Variants in GPR158 observed in about 807,000 individuals in gnomAD.
GPR158 encodes metabotropic glycine receptor.
A neutral mutation model predicts 78.2 loss-of-function variants in GPR158; 30 were observed. The ratio of observed to expected loss-of-function variants is 0.38; its 90% confidence interval spans 0.29 to 0.52. GPR158 has a LOEUF of 0.52. Among genes scored for constraint, GPR158 ranks in the 20% least tolerant of loss-of-function variants. The probability of loss-of-function intolerance (pLI) is 0.83; values close to 1 mark genes in which losing one functional copy is unlikely to be tolerated. For missense variants in GPR158, 1,463 were observed against 1,523.5 expected, an observed-to-expected ratio of 0.96 and a Z score of 0.66; for synonymous variants, 581 against 591.1, an observed-to-expected ratio of 0.98 and a Z score of 0.25.
intron 2 of GPR158, among the ~76,000 whole-genome samples, chr10:25,327,364 C>T (rs937476477): frequency 6.6e-6 from 1 of 152,122 alleles, no homozygotes; most frequent in Non-Finnish European, 1.5e-5. Flanking sequence ...TTTCTGTGGC[C>T]TTAACAATTT....
At chr10:25,567,268 G>A (rs190036743) in intron 6 of GPR158, among the ~76,000 whole-genome samples, 17 of 152,272 alleles carry the variant, frequency 1.1e-4, no homozygotes, top group Non-Finnish European at 2.5e-4. Flanking sequence ...CTACCTGGCA[G>A]GCTAAAGCGG....
At chr10:25,388,645 G>A (rs754985846) in intron 2 of GPR158, among the ~76,000 whole-genome samples, 25 of 152,356 alleles carry the variant, frequency 1.6e-4, no homozygotes, top group Admixed American at 6.5e-4. Flanking sequence ...CATGAAGGGC[G>A]GGCAGAAGTG....
At chr10:25,472,454 T>G (rs1436958023) in intron 5 of GPR158, among the ~76,000 whole-genome samples, 1 of 152,234 alleles carries the variant, frequency 6.6e-6, no homozygotes, top group South Asian at 2.1e-4. Flanking sequence ...GGGCTCTTTT[T>G]TGGTTCCATA....
chr10:25,277,499 C>G (rs1357787659), intron 2 of GPR158, among the ~76,000 whole-genome samples: 1 of 151,674 alleles, frequency 6.6e-6, no homozygotes, highest in African/African-American at 2.4e-5. Context: ...AGAGACAGAG[C>G]CCATCCCCAA....
At chr10:25,478,599 C>T (rs1686291086) in intron 5 of GPR158, among the ~76,000 whole-genome samples, 1 of 151,674 alleles carries the variant, frequency 6.6e-6, no homozygotes, top group South Asian at 2.1e-4. Flanking sequence ...TAACTGTGAT[C>T]TTTATCAGTT....
intron 2 of GPR158, among the ~76,000 whole-genome samples, chr10:25,270,578 T>C (rs1358448942): frequency 6.6e-5 from 10 of 152,114 alleles, no homozygotes; most frequent in Non-Finnish European, 1.5e-5. Flanking sequence ...CTAATGCCAC[T>C]CTGCTCCAAC....
At chr10:25,510,988 A>T (rs1836077053) in intron 5 of GPR158, among the ~76,000 whole-genome samples, 1 of 152,218 alleles carries the variant, frequency 6.6e-6, no homozygotes, top group African/African-American at 2.4e-5. Flanking sequence ...GCAATTGCAA[A>T]TTATGCTGCT....
At chr10:25,368,834 C>A (rs1261382900) in intron 2 of GPR158, among the ~76,000 whole-genome samples, 5 of 144,084 alleles carry the variant, frequency 3.5e-5, no homozygotes, top group African/African-American at 7.8e-5. Context: ...TTTGTATCCT[C>A]TTTTATTTCC....
intron 2 of GPR158, among the ~76,000 whole-genome samples, chr10:25,310,882 T>C (rs1279685377): frequency 6.6e-6 from 1 of 152,062 alleles, no homozygotes; most frequent in Non-Finnish European, 1.5e-5. Flanking sequence ...ACACTTGGAA[T>C]TGTGTATGTT....
At chr10:25,365,212 C>A (rs1456926314) in intron 2 of GPR158, among the ~76,000 whole-genome samples, 4 of 151,042 alleles carry the variant, frequency 2.6e-5, no homozygotes, top group Non-Finnish European at 5.9e-5. Context: ...ATAGCAATTA[C>A]ATCAATTAAA....
chr10:25,425,558 C>G (rs1834809308), intron 4 of GPR158, among the ~76,000 whole-genome samples: 1 of 151,596 alleles, frequency 6.6e-6, no homozygotes, highest in Admixed American at 6.6e-5. Context: ...ATATATGGTA[C>G]TTAAACAAAA....
At chr10:25,490,631 T>C (rs1243241080) in intron 5 of GPR158, among the ~76,000 whole-genome samples, 3 of 150,878 alleles carry the variant, frequency 2.0e-5, no homozygotes, top group Non-Finnish European at 4.4e-5. Flanking sequence ...CTCATCCTTT[T>C]TTATGGCTGC....
intron 3 of GPR158, 83 bp downstream of exon 3, chr10:25,396,096 GGAGTTAT>G (rs1367009775): frequency 3.3e-6 from 2 of 609,630 alleles, no homozygotes; most frequent in African/African-American, 1.9e-5. Flanking sequence ...TATCCTTGTT[GGAGTTAT>G]ATGGTTGAAT....
chr10:25,512,415 G>A (rs1836097838), intron 5 of GPR158, among the ~76,000 whole-genome samples: 1 of 152,140 alleles, frequency 6.6e-6, no homozygotes, highest in Admixed American at 6.5e-5. Context: ...TAATTTAACA[G>A]TTCGAGGAGC....
At chr10:25,481,025 A>G (rs1445161720) in intron 5 of GPR158, among the ~76,000 whole-genome samples, 2 of 152,228 alleles carry the variant, frequency 1.3e-5, no homozygotes, top group Admixed American at 1.3e-4. Flanking sequence ...TGTGTCAGTC[A>G]GTCAGACACA....
chr10:25,305,278 T>G (rs1854656452), intron 2 of GPR158, among the ~76,000 whole-genome samples: 1 of 152,186 alleles, frequency 6.6e-6, no homozygotes, highest in Non-Finnish European at 1.5e-5. Context: ...ACACTTAGCA[T>G]TACATGTTTA....
intron 2 of GPR158, among the ~76,000 whole-genome samples, chr10:25,276,536 A>G (rs1029761241): frequency 2.6e-5 from 4 of 152,202 alleles, no homozygotes; most frequent in Non-Finnish European, 4.4e-5. Context: ...TGATAAAGTC[A>G]TAATGCTCTA....
In GPR158 at chr10:25,442,578, G is replaced by A. The variant is rs533600851; in HGVS notation, c.1336-24073G>A. On this transcript the variant is annotated intron_variant, in intron 4 of 10. Coordinates refer to ENST00000376351, the MANE Select transcript of GPR158 (RefSeq NM_020752.3). Reference sequence around the variant, plus strand: ...TATTAATACTCCAGTATATTAATACGTCAGTATGTTTAAAACTTCCGGATC... The same window carrying A: ...TATTAATACTCCAGTATATTAATACATCAGTATGTTTAAAACTTCCGGATC... Among the ~76,000 whole-genome samples the A allele has an allele frequency of 5.3e-5, 8 of 151,948 alleles. No homozygotes were observed. The South Asian group carries it at 6.2e-4, about 12-fold the overall frequency.
intron 4 of GPR158, among the ~76,000 whole-genome samples, chr10:25,427,689 A>G (rs1489549615): frequency 9.2e-5 from 14 of 152,072 alleles, no homozygotes; most frequent in Admixed American, 1.3e-4. Flanking sequence ...TTAGTATTTT[A>G]TATCAGTCAG....
Sources: gnomAD v4.1 joint callset for allele counts (sites outside exome capture counted in the v4.1 genomes callset) on GRCh38, gnomAD v4.1.1 for gene constraint, MANE v1.5 for transcripts, NCBI Gene and HGNC (gene_info 2026-07-23, HGNC 2026-07-21) for gene names.